The following CLSTN1 variants were observed in gnomAD, a reference collection of about 807,000 sequenced individuals.
CLSTN1 encodes calsyntenin 1, also known as calsyntenin-1.
CLSTN1 carries 28 observed loss-of-function variants against 108.3 expected under a neutral mutation model. That is an observed-to-expected ratio of 0.26 (90% CI 0.19 to 0.35). The LOEUF (loss-of-function observed/expected upper bound fraction) is 0.35. CLSTN1 is among the 10% of genes least tolerant of loss of function. The pLI is 1.00. For missense variants in CLSTN1, 1,157 were observed against 1,302.6 expected, an observed-to-expected ratio of 0.89 and a Z score of 1.72; for synonymous variants, 524 against 534.9, an observed-to-expected ratio of 0.98 and a Z score of 0.28.
At chr1:9,811,214 T>C (rs74051995) in intron 1 of CLSTN1, among the ~76,000 whole-genome samples, 2,444 of 152,294 alleles carry the variant, frequency 0.016, 65 homozygotes, top group African/African-American at 0.056. Flanking sequence ...AAGGCTATGT[T>C]ATGAAGCTAT....
intron 7 of CLSTN1, among the ~76,000 whole-genome samples, chr1:9,747,211 G>A (rs1253230819): frequency 2.0e-5 from 3 of 146,644 alleles, no homozygotes; most frequent in Non-Finnish European, 4.5e-5. Flanking sequence ...AAAGTACCTG[G>A]TGCATAGTAA....
chr1:9,791,141 CAAAAAAAAA>C (rs139466878), intron 1 of CLSTN1, among the ~76,000 whole-genome samples: 1 of 74,036 alleles, frequency 1.4e-5, no homozygotes, highest in East Asian at 5.4e-4. Context: ...GACTCTATCT[CAAAAAAAAA>C]AAAAAAAAAA....
chr1:9,770,731 C>T (rs183680868), intron 2 of CLSTN1, among the ~76,000 whole-genome samples: 6 of 152,314 alleles, frequency 3.9e-5, no homozygotes, highest in Admixed American at 2.0e-4. Flanking sequence ...TGGTGGCTCA[C>T]GCCTATAATC....
chr1:9,761,453 A>G (rs925350120), intron 2 of CLSTN1, among the ~76,000 whole-genome samples: 2 of 152,136 alleles, frequency 1.3e-5, no homozygotes, highest in Non-Finnish European at 2.9e-5. Context: ...TTATCATGCC[A>G]CTGCACTCCA....
rs752198621 is a variant in CLSTN1 at position 9,823,180 on chromosome 1, G to A, written c.91+463C>T. Among the ~76,000 whole-genome samples the A allele has an allele frequency of 2.6e-5, 4 of 152,150 alleles. No homozygotes were observed. Among genetic ancestry groups the A allele is most frequent in the Non-Finnish European group, 4.4e-5 (3 of 68,022 alleles). On this transcript the variant is annotated intron_variant, in intron 1 of 18. Coordinates refer to ENST00000377298, the MANE Select transcript of CLSTN1 (RefSeq NM_001009566.3). The surrounding 1 kb of genome is among the most constrained non-coding windows in gnomAD (Gnocchi z 6.3). The stretch of plus-strand genomic sequence containing the variant: ...ATGTAAGCACACACCAAAACTGTGC[G>A]TGCACCCCCCGCCTGATGCACATCT...
intron 4 of CLSTN1, among the ~76,000 whole-genome samples, chr1:9,752,042 A>G (rs1651583666): frequency 6.6e-6 from 1 of 152,154 alleles, no homozygotes; most frequent in Non-Finnish European, 1.5e-5. Context: ...TTTGCTCTCC[A>G]ATTATAAAGT....
intron 2 of CLSTN1, among the ~76,000 whole-genome samples, chr1:9,759,039 C>T (rs1027569817): frequency 2.0e-5 from 3 of 152,062 alleles, no homozygotes; most frequent in African/African-American, 7.2e-5. Context: ...TTCTCAAGGG[C>T]CCAGCAGCCA....
intron 1 of CLSTN1, among the ~76,000 whole-genome samples, chr1:9,804,757 G>A (rs1018507488): frequency 1.3e-5 from 2 of 152,132 alleles, no homozygotes; most frequent in Non-Finnish European, 2.9e-5. Context: ...ACCTGAGTTC[G>A]GAAAGTCAAG....
chr1:9,732,981 G>T (rs897710462), intron 16 of CLSTN1, among the ~76,000 whole-genome samples: 1 of 152,124 alleles, frequency 6.6e-6, no homozygotes, highest in Non-Finnish European at 1.5e-5. Context: ...GCTTGAACCT[G>T]GGGGGACAAG....
chr1:9,731,121 C>A, intron 18 of CLSTN1, 85 bp downstream of exon 18: 2 of 1,510,502 alleles, frequency 1.3e-6, no homozygotes, highest in Non-Finnish European at 1.8e-6. Context: ...AGCATGTGAA[C>A]CTGAAGGAGC....
rs976532459 is a variant in CLSTN1 at position 9,749,069 on chromosome 1, A to T, written c.985+392T>A. 3.3e-5 allele frequency among the ~76,000 whole-genome samples: 5 copies of T among 151,104 alleles called. No individual in the cohort carries two copies. In the East Asian group the frequency reaches 1.0e-3, roughly 30 times the overall value. On this transcript the variant is annotated intron_variant, in intron 7 of 18. Coordinates refer to ENST00000377298, the MANE Select transcript of CLSTN1 (RefSeq NM_001009566.3). ...CAGGTCCATGCCACCATCCCCAGTT[A>T]ATTTTTCAATTTTTTGTAGAGATGG...
At chr1:9,750,024 C>G (rs1164960446) in intron 5 of CLSTN1, 111 bp from the exon 6 acceptor site, 6 of 855,502 alleles carry the variant, frequency 7.0e-6, no homozygotes, top group Non-Finnish European at 1.1e-5. Context: ...AAATACTCAG[C>G]CAGAAATAAA....
chr1:9,792,258 G>GT (rs1653804400), intron 1 of CLSTN1, among the ~76,000 whole-genome samples: 1 of 151,270 alleles, frequency 6.6e-6, no homozygotes, highest in Non-Finnish European at 1.5e-5. Context: ...AGCAGCAAGT[G>GT]TAACAGCAAT....
At chr1:9,735,232 T>C (rs1222867089) in intron 13 of CLSTN1, 58 bp from the exon 14 acceptor site, 2 of 1,573,340 alleles carry the variant, frequency 1.3e-6, no homozygotes, top group Non-Finnish European at 1.7e-6. Context: ...GGAGCCCACC[T>C]GTGCAAAGGC....
In CLSTN1 at chr1:9,823,834, C is replaced by G. The variant is rs996470830; in HGVS notation, c.-101G>C. The G allele has an allele frequency of 9.5e-5, 47 of 494,754 alleles. No individual in the cohort carries two copies. The highest frequency in any genetic ancestry group is 9.2e-4 in the African/African-American group (44 of 47,736). The allele number at this position is 494,754 out of a possible 1,614,324, so 30.6% of individuals were successfully genotyped here. A position where few individuals can be genotyped will look rare whatever the true frequency, so the allele number is the denominator to read the frequency against. On this transcript the variant is annotated 5_prime_UTR_variant, in exon 1 of 19. Coordinates refer to ENST00000377298, the MANE Select transcript of CLSTN1 (RefSeq NM_001009566.3). This position sits in a 1 kb window ranked among gnomAD's most constrained non-coding sequence, Gnocchi z 6.3. ...GGGCCTGGGGCTAGCTGCTCCGCGG[C>G]GCGGGGAGCTCCGGGGGTCCAAGGA...
chr1:9,730,313 TGAAGAGCGC>T lies in CLSTN1; in HGVS notation c.*186_*194del. ...AGGACGTGTCAGCTCCTCGTGGGAC[TGAAGAGCGC>T]GACCAGGCAGAGGGTGGGCGGGGAG... On this transcript the variant is annotated 3_prime_UTR_variant, in exon 19 of 19. Transcript: ENST00000377298. This position sits in a 1 kb window ranked among gnomAD's most constrained non-coding sequence, Gnocchi z 5.6. 1 of 633,272 alleles carries T rather than the reference TGAAGAGCGC, an allele frequency of 1.6e-6. No individual in the cohort carries two copies. The highest frequency in any genetic ancestry group is 2.8e-6 in the Non-Finnish European group (1 of 355,014). 39.2% of individuals were successfully genotyped at this position (633,272 alleles called of 1,614,324 possible).
intron 4 of CLSTN1, among the ~76,000 whole-genome samples, chr1:9,753,579 C>T (rs547875093): frequency 3.9e-5 from 6 of 152,066 alleles, no homozygotes; most frequent in Admixed American, 2.0e-4. Flanking sequence ...GCAACCTCCA[C>T]CTCCCAGGTT....
Position 9,737,501 on chromosome 1 carries a change from C to T in CLSTN1, c.1573G>A (p.Ala525Thr). The change falls in exon 11 of 19, where the codon GCA (alanine) becomes ACA (threonine). Residue 525 changes from alanine to threonine, a missense_variant. Coordinates refer to ENST00000377298, the MANE Select transcript of CLSTN1 (RefSeq NM_001009566.3). The stretch of plus-strand genomic sequence containing the variant: ...TGTAGGGAAAAAATCCAGCAACCTG[C>T]AGAGGCCACAGTCACAGGCTCAGTT... The part of the protein sequence containing the change: ...NETEPVTVAS[A>T]GGDLHMTQFF... 1 of 1,613,708 alleles carries T rather than the reference C, an allele frequency of 6.2e-7. No individual in the cohort carries two copies. Among genetic ancestry groups the T allele is most frequent in the Admixed American group, 1.7e-5 (1 of 60,012 alleles).
intron 12 of CLSTN1, 114 bp from the exon 13 acceptor site, chr1:9,735,729 T>C (rs533991975): frequency 6.6e-7 from 1 of 1,517,368 alleles, no homozygotes; most frequent in Non-Finnish European, 8.9e-7. Context: ...ATTGCTGACT[T>C]GAAAAAGAAA....
Sources: allele counts gnomAD v4.1 joint callset (sites outside exome capture counted in the v4.1 genomes callset), GRCh38; gene constraint gnomAD v4.1.1; non-coding constraint Gnocchi (gnomAD v3.1); transcripts MANE v1.5; gene names NCBI Gene and HGNC (gene_info 2026-07-23, HGNC 2026-07-21).